CLTC: variants seen among roughly 807,000 people sequenced by gnomAD.
The protein encoded by CLTC is clathrin heavy chain, also known as clathrin heavy chain 1.
A neutral mutation model predicts 195.8 loss-of-function variants in CLTC; 16 were observed. The ratio of observed to expected loss-of-function variants is 0.08; its 90% confidence interval spans 0.06 to 0.12. The LOEUF (loss-of-function observed/expected upper bound fraction) is 0.12. Ranked by LOEUF, CLTC falls within the 10% of genes least tolerant of loss-of-function variation. CLTC has a pLI of 1.00. For missense variants in CLTC, 796 were observed against 2,027.0 expected (o/e 0.39, Z 11.66); for synonymous variants, 667 against 689.4 (o/e 0.97, Z 0.51).
intron 31 of CLTC, among the ~76,000 whole-genome samples, chr17:59,693,136 A>G (rs1467165534): frequency 6.6e-6 from 1 of 152,114 alleles, no homozygotes; most frequent in Non-Finnish European, 1.5e-5. Flanking sequence ...GGAGGGCAAG[A>G]TGGGCTGATC....
chr17:59,650,221 T>C (rs932344399), intron 4 of CLTC, among the ~76,000 whole-genome samples: 2 of 152,200 alleles, frequency 1.3e-5, no homozygotes, highest in Non-Finnish European at 2.9e-5. Flanking sequence ...CAGCATTGGA[T>C]ATTTTAAACC....
At chr17:59,664,597 C>A in intron 9 of CLTC, 190 bp from the exon 10 acceptor site, 15 of 475,586 alleles carry the variant, frequency 3.2e-5, no homozygotes, top group South Asian at 1.3e-4. Flanking sequence ...ATGGATAAGC[C>A]AGTTATAAAA....
intron 30 of CLTC, among the ~76,000 whole-genome samples, chr17:59,686,553 C>T (rs1379826529): frequency 3.3e-5 from 5 of 152,162 alleles, no homozygotes; most frequent in East Asian, 1.9e-4. Context: ...CTACCAACAA[C>T]CCCTCCCATA....
intron 9 of CLTC, 26 bp downstream of exon 9, chr17:59,664,020 G>C (rs749596654): frequency 1.3e-6 from 2 of 1,594,954 alleles, no homozygotes; most frequent in Non-Finnish European, 1.7e-6. Context: ...CACATTCTCA[G>C]CATGAATTCA....
At chr17:59,674,665 A>ACAG in intron 15 of CLTC, 36 bp from the exon 16 acceptor site, 1 of 1,553,554 alleles carries the variant, frequency 6.4e-7, no homozygotes, top group South Asian at 1.2e-5. Context: ...GCTTTTAATA[A>ACAG]CATAATAACA....
chr17:59,620,044 C>T lies in CLTC; in HGVS notation c.-88C>T, dbSNP rs545407915. The T allele has an allele frequency of 1.2e-4, 141 of 1,218,974 alleles. 1 individual carries two copies. The South Asian group carries it at 1.6e-3, about 13-fold the overall frequency. The allele number at this position is 1,218,974 out of a possible 1,614,324, so 75.5% of individuals were successfully genotyped here. A position where few individuals can be genotyped will look rare whatever the true frequency, so the allele number is the denominator to read the frequency against. On this transcript the variant is annotated 5_prime_UTR_variant, in exon 1 of 32. Transcript: ENST00000269122. ...CCTGCTGAGCCCAGCCTCCCCCCTC[C>T]CCTTCTCCTCCTCTCCCTTGGAGAG... is the stretch of plus-strand genomic sequence containing the variant.
intron 31 of CLTC, among the ~76,000 whole-genome samples, chr17:59,692,569 A>T (rs2033330127): frequency 6.6e-6 from 1 of 152,236 alleles, no homozygotes. Flanking sequence ...TATAAGAAAG[A>T]GTGTCAACAT....
At chr17:59,688,135 A>G (rs936775586) in intron 30 of CLTC, among the ~76,000 whole-genome samples, 1 of 152,174 alleles carries the variant, frequency 6.6e-6, no homozygotes, top group African/African-American at 2.4e-5. Context: ...AGTGTTATGC[A>G]TTGTTTTAAA....
intron 1 of CLTC, among the ~76,000 whole-genome samples, chr17:59,625,189 A>G (rs1292337179): frequency 1.3e-5 from 2 of 151,218 alleles, no homozygotes; most frequent in East Asian, 1.9e-4. Context: ...GCTCATTGCA[A>G]CCTCCGCCTT....
chr17:59,641,049 G>T (rs1292222376), intron 1 of CLTC, among the ~76,000 whole-genome samples: 1 of 150,948 alleles, frequency 6.6e-6, no homozygotes, highest in Non-Finnish European at 1.5e-5. Flanking sequence ...AACTGGGGAG[G>T]TAGAGGTTGC....
In CLTC at chr17:59,681,246, C is replaced by T. The variant is rs1490739798; in HGVS notation, c.3066-49C>T. On this transcript the variant is annotated intron_variant, in intron 19 of 31. Transcript: ENST00000269122. This position sits in a 1 kb window ranked among gnomAD's most constrained non-coding sequence, Gnocchi z 5.0. Reference sequence around the variant, plus strand: ...TAGTCACAGTGGTTATTTTTTATGTCGGATAAACTTAAAATATTGCATTTA... The same window carrying T: ...TAGTCACAGTGGTTATTTTTTATGTTGGATAAACTTAAAATATTGCATTTA... 6.5e-7 allele frequency: 1 copy of T among 1,546,636 alleles called. No homozygotes were observed. Among genetic ancestry groups the T allele is most frequent in the South Asian group, 1.2e-5 (1 of 83,888 alleles).
chr17:59,674,995 G>A (rs1374421050), intron 16 of CLTC, 152 bp downstream of exon 16: 2 of 711,932 alleles, frequency 2.8e-6, no homozygotes, highest in Non-Finnish European at 2.3e-6. Context: ...CTAGCTAATA[G>A]CACTGGGAAA....
chr17:59,671,354 T>G (rs1281920953), intron 14 of CLTC, among the ~76,000 whole-genome samples: 1 of 152,140 alleles, frequency 6.6e-6, no homozygotes, highest in Non-Finnish European at 1.5e-5. Context: ...TGATGCCTCT[T>G]ATCACTGTTA....
At chr17:59,627,308 G>T (rs1431300895) in intron 1 of CLTC, among the ~76,000 whole-genome samples, 3 of 152,206 alleles carry the variant, frequency 2.0e-5, no homozygotes, top group Non-Finnish European at 2.9e-5. Context: ...TACGTGCCAA[G>T]AACTGTATTA....
At chr17:59,692,826 G>T (rs1046255025) in intron 31 of CLTC, among the ~76,000 whole-genome samples, 6 of 151,898 alleles carry the variant, frequency 4.0e-5, no homozygotes, top group Non-Finnish European at 7.4e-5. Flanking sequence ...TTTTAGTAGA[G>T]ACGGGGTTTC....
At chr17:59,673,580 T>C (rs1427954581) in intron 14 of CLTC, 67 bp from the exon 15 acceptor site, 3 of 1,240,128 alleles carry the variant, frequency 2.4e-6, no homozygotes, top group African/African-American at 1.5e-5. Context: ...CAAATTCTCA[T>C]ATGTTACACA....
At chr17:59,624,586 A>G (rs1164474408) in intron 1 of CLTC, among the ~76,000 whole-genome samples, 1 of 149,408 alleles carries the variant, frequency 6.7e-6, no homozygotes, top group African/African-American at 2.5e-5. Context: ...CTCCTGCCTC[A>G]GCCTCCCAAG....
chr17:59,685,327 A>C lies in CLTC; in HGVS notation c.4605+101A>C. The stretch of plus-strand genomic sequence containing the variant: ...TAAAAGTATTGGTTTTGTGAATATG[A>C]GAGCTGACTTTAAGGCAATTTAAGT... On this transcript the variant is annotated intron_variant, in intron 29 of 31. Coordinates refer to ENST00000269122, the MANE Select transcript of CLTC (RefSeq NM_004859.4). This position sits in a 1 kb window ranked among gnomAD's most constrained non-coding sequence, Gnocchi z 5.0. The C allele has an allele frequency of 2.5e-6, 3 of 1,209,472 alleles. No individual in the cohort carries two copies. The highest frequency in any genetic ancestry group is 3.4e-6 in the Non-Finnish European group (3 of 889,152). 74.9% of individuals were successfully genotyped at this position (1,209,472 alleles called of 1,614,324 possible).
chr17:59,623,684 A>T (rs961307860), intron 1 of CLTC, among the ~76,000 whole-genome samples: 1 of 152,192 alleles, frequency 6.6e-6, no homozygotes, highest in African/African-American at 2.4e-5. Context: ...TTTATATGTT[A>T]TTCAAATTAT....
Sources: allele counts gnomAD v4.1 joint callset (sites outside exome capture counted in the v4.1 genomes callset), GRCh38; gene constraint gnomAD v4.1.1; non-coding constraint Gnocchi (gnomAD v3.1); transcripts MANE v1.5; gene names NCBI Gene and HGNC (gene_info 2026-07-23, HGNC 2026-07-21).